NPHP4: variants seen among roughly 807,000 people sequenced by gnomAD.
NPHP4 encodes nephrocystin 4, also known as nephrocystin-4.
A neutral mutation model predicts 155.8 loss-of-function variants in NPHP4; 151 were observed. That is an observed-to-expected ratio of 0.97 (90% CI 0.85 to 1.11). The LOEUF (loss-of-function observed/expected upper bound fraction) is 1.11, where lower values mean the gene tolerates loss of function less well. Ranked by LOEUF, NPHP4 falls within the 50% of genes least tolerant of loss-of-function variation. The pLI, the probability that NPHP4 is intolerant of heterozygous loss-of-function variation, is 0.00. For missense variants in NPHP4, 1,956 were observed against 1,925.7 expected (o/e 1.02, Z -0.29); for synonymous variants, 845 against 816.8 (o/e 1.03, Z -0.59).
At chr1:5,950,736 C>A (rs552022549) in intron 7 of NPHP4, among the ~76,000 whole-genome samples, 1 of 152,162 alleles carries the variant, frequency 6.6e-6, no homozygotes, top group Non-Finnish European at 1.5e-5. Context: ...CAGCCCCCAG[C>A]GGACCAGCCA....
intron 16 of NPHP4, among the ~76,000 whole-genome samples, chr1:5,900,413 T>C (rs887472792): frequency 1.3e-5 from 2 of 152,088 alleles, no homozygotes; most frequent in Non-Finnish European, 2.9e-5. Flanking sequence ...CAAAAAGCCA[T>C]GGAGGAACTA....
intron 3 of NPHP4, among the ~76,000 whole-genome samples, chr1:5,971,994 A>C (rs1652653969): frequency 6.6e-6 from 1 of 152,180 alleles, no homozygotes; most frequent in Non-Finnish European, 1.5e-5. Flanking sequence ...CACGGACACC[A>C]TTTTGCCTCG....
chr1:5,932,105 C>T (rs2101729202), intron 10 of NPHP4, among the ~76,000 whole-genome samples: 1 of 152,218 alleles, frequency 6.6e-6, no homozygotes, highest in Admixed American at 6.5e-5. Flanking sequence ...TCATCTAAGC[C>T]TTCCAGAACA....
At chr1:5,960,396 C>T (rs1469342581) in intron 6 of NPHP4, among the ~76,000 whole-genome samples, 4 of 152,110 alleles carry the variant, frequency 2.6e-5, no homozygotes, top group African/African-American at 9.7e-5. Flanking sequence ...ACCCCAGCAC[C>T]AACCAGAATG....
intron 3 of NPHP4, among the ~76,000 whole-genome samples, chr1:5,971,772 C>G (rs1300030521): frequency 1.3e-5 from 2 of 151,052 alleles, no homozygotes; most frequent in African/African-American, 5.0e-5. Context: ...GGAACATTCT[C>G]TACATCAACT....
intron 4 of NPHP4, among the ~76,000 whole-genome samples, chr1:5,968,378 G>T (rs1651912701): frequency 6.6e-6 from 1 of 152,116 alleles, no homozygotes; most frequent in African/African-American, 2.4e-5. Context: ...GAGGCGAGCA[G>T]ATCTCTTGAG....
intron 6 of NPHP4, among the ~76,000 whole-genome samples, chr1:5,960,779 C>A (rs769756396): frequency 6.6e-6 from 1 of 152,102 alleles, no homozygotes; most frequent in Admixed American, 6.5e-5. Flanking sequence ...ACACCCCCAA[C>A]ACTCCCATGG....
At chr1:5,951,498 G>A (rs558314432) in intron 7 of NPHP4, among the ~76,000 whole-genome samples, 17 of 152,198 alleles carry the variant, frequency 1.1e-4, no homozygotes, top group Non-Finnish European at 2.1e-4. Flanking sequence ...AGAGCAGCCA[G>A]GGCTGACCCC....
At position 5,909,142 on chromosome 1, in the gene NPHP4, C is replaced by T. The variant is rs41307782; in HGVS notation, c.1503+10G>A. On this transcript the variant is annotated intron_variant, in intron 12 of 29. Coordinates refer to ENST00000378156, the MANE Select transcript of NPHP4 (RefSeq NM_015102.5). ...AATTCTGAAGGAGGCCGTGGGGGGC[C>T]TGGACTTACCCCTGGTCCCACAGGT... is the stretch of plus-strand genomic sequence containing the variant. 4.1e-3 allele frequency: 6,530 copies of T among 1,591,020 alleles called. 32 individuals are homozygous for T. The highest frequency in any genetic ancestry group is 4.9e-3 in the Non-Finnish European group (5,728 of 1,168,032).
intron 10 of NPHP4, among the ~76,000 whole-genome samples, chr1:5,929,728 T>C (rs1410646934): frequency 1.3e-5 from 2 of 152,306 alleles, no homozygotes; most frequent in South Asian, 2.1e-4. Flanking sequence ...TTTGCACCTA[T>C]GTTTATGAAG....
chr1:5,895,916 G>A (rs1479019280), intron 16 of NPHP4, among the ~76,000 whole-genome samples: 5 of 152,276 alleles, frequency 3.3e-5, no homozygotes, highest in African/African-American at 1.2e-4. Flanking sequence ...CGTAGAGACG[G>A]GCACAGGTGA....
intron 3 of NPHP4, among the ~76,000 whole-genome samples, 196 bp from the exon 4 acceptor site, chr1:5,969,455 T>C (rs531726550): frequency 6.6e-6 from 1 of 152,268 alleles, no homozygotes; most frequent in African/African-American, 2.4e-5. Flanking sequence ...TCCCTCAGAC[T>C]GAAATGTTGG....
At chr1:5,870,579 C>A (rs1641893873) in intron 23 of NPHP4, among the ~76,000 whole-genome samples, 1 of 152,152 alleles carries the variant, frequency 6.6e-6, no homozygotes, top group Admixed American at 6.5e-5. Context: ...CTCAGTATCT[C>A]CCAACAAGAT....
Position 5,867,616 on chromosome 1 carries a change from C to T in NPHP4, c.3472+124G>A, listed in dbSNP as rs959273744. On this transcript the variant is annotated intron_variant, in intron 24 of 29. Coordinates refer to ENST00000378156, the MANE Select transcript of NPHP4 (RefSeq NM_015102.5). The surrounding 1 kb of genome is among the most constrained non-coding windows in gnomAD (Gnocchi z 4.1). ...AGGCAGGAGAGAGAATTCCCCAGGCCCCACGTGCTGCTCTGACAGCACCAG... is the reference window on the plus strand; with the variant it reads ...AGGCAGGAGAGAGAATTCCCCAGGCTCCACGTGCTGCTCTGACAGCACCAG... 4 of 977,570 alleles carry T rather than the reference C, an allele frequency of 4.1e-6. No homozygotes were observed. In the African/African-American group the frequency reaches 6.4e-5, roughly 16 times the overall value. 60.6% of individuals were successfully genotyped at this position (977,570 alleles called of 1,614,324 possible).
At chr1:5,936,296 C>A (rs75512417) in intron 9 of NPHP4, among the ~76,000 whole-genome samples, 1 of 152,324 alleles carries the variant, frequency 6.6e-6, no homozygotes, top group Admixed American at 6.5e-5. Flanking sequence ...GGAAGCCAGT[C>A]GCCATGTATT....
chr1:5,916,408 C>A (rs1287084606), intron 11 of NPHP4, among the ~76,000 whole-genome samples: 2 of 152,186 alleles, frequency 1.3e-5, no homozygotes, highest in Non-Finnish European at 2.9e-5. Context: ...AAGTCTCTTA[C>A]ATTGGGTTTT....
chr1:5,881,626 C>A (rs1643293075), intron 18 of NPHP4: 1 of 152,206 alleles, frequency 6.6e-6, no homozygotes, highest in Admixed American at 6.5e-5. Flanking sequence ...TCACAGACTG[C>A]CTGGAATCAA....
chr1:5,926,428 C>A (rs946939130), intron 11 of NPHP4, among the ~76,000 whole-genome samples: 2 of 152,200 alleles, frequency 1.3e-5, no homozygotes, highest in Non-Finnish European at 2.9e-5. Flanking sequence ...TCCATGGTTT[C>A]TGCATCCATG....
At chr1:5,990,960 GTCT>G (rs1159930679) in intron 1 of NPHP4, among the ~76,000 whole-genome samples, 2 of 152,166 alleles carry the variant, frequency 1.3e-5, no homozygotes, top group Non-Finnish European at 2.9e-5. Context: ...CAAATGTGCT[GTCT>G]TCAAGCATCT....
Sources: allele counts gnomAD v4.1 joint callset (sites outside exome capture counted in the v4.1 genomes callset), GRCh38; gene constraint gnomAD v4.1.1; non-coding constraint Gnocchi (gnomAD v3.1); transcripts MANE v1.5; gene names NCBI Gene and HGNC (gene_info 2026-07-23, HGNC 2026-07-21).